Variants in HCN1 observed in about 807,000 individuals in gnomAD.
HCN1 encodes the protein hyperpolarization activated cyclic nucleotide gated potassium channel 1.
In HCN1, 13 loss-of-function variants were observed where a neutral mutation model predicts 78.9. That is an observed-to-expected ratio of 0.16 (90% CI 0.11 to 0.26). The LOEUF is 0.26. Ranked by LOEUF, HCN1 falls within the 10% of genes least tolerant of loss-of-function variation. The pLI, the probability that HCN1 is intolerant of heterozygous loss-of-function variation, is 1.00. For missense variants in HCN1, 810 were observed against 1,154.3 expected (o/e 0.70, Z 4.32); for synonymous variants, 552 against 455.5 (o/e 1.21, Z -2.70).
intron 3 of HCN1, among the ~76,000 whole-genome samples, chr5:45,440,868 C>A (rs945548253): frequency 6.6e-6 from 1 of 152,144 alleles, no homozygotes; most frequent in Non-Finnish European, 1.5e-5. Flanking sequence ...TTACCAAGAA[C>A]AGAACCCCAA....
chr5:45,407,595 C>T (rs1739949658), intron 3 of HCN1, among the ~76,000 whole-genome samples: 1 of 152,134 alleles, frequency 6.6e-6, no homozygotes, highest in Non-Finnish European at 1.5e-5. Context: ...TCTTGGCTCA[C>T]TGCAACCTCC....
intron 5 of HCN1, among the ~76,000 whole-genome samples, chr5:45,345,312 G>A (rs1208137197): frequency 6.6e-6 from 1 of 152,120 alleles, no homozygotes; most frequent in Non-Finnish European, 1.5e-5. Context: ...GGGGCTAATG[G>A]GAAGGTCTCT....
chr5:45,307,868 G>C (rs1745768296), intron 5 of HCN1, among the ~76,000 whole-genome samples: 1 of 152,056 alleles, frequency 6.6e-6, no homozygotes, highest in Admixed American at 6.6e-5. Flanking sequence ...ACTAATGTAA[G>C]GTATTAAAAA....
chr5:45,607,598 T>G (rs190353074), intron 2 of HCN1, among the ~76,000 whole-genome samples: 4,722 of 146,672 alleles, frequency 0.032, 100 homozygotes, highest in Non-Finnish European at 0.037. Context: ...TATATATATC[T>G]ATAGATAGAT....
intron 2 of HCN1, among the ~76,000 whole-genome samples, chr5:45,504,158 T>C (rs989253597): frequency 3.3e-5 from 5 of 152,118 alleles, no homozygotes; most frequent in Admixed American, 6.5e-5. Context: ...TGTGCAGGTT[T>C]GTTACATATG....
At chr5:45,675,958 C>G (rs1238872863) in intron 1 of HCN1, among the ~76,000 whole-genome samples, 2 of 151,700 alleles carry the variant, frequency 1.3e-5, no homozygotes, top group African/African-American at 2.4e-5. Context: ...TATCACACTT[C>G]ACAACTTTTC....
intron 2 of HCN1, among the ~76,000 whole-genome samples, chr5:45,508,906 G>C (rs143009648): frequency 2.5e-4 from 38 of 151,966 alleles, no homozygotes; most frequent in South Asian, 1.2e-3. Context: ...GTGAACAAAT[G>C]GTTTTCATCA....
intron 5 of HCN1, among the ~76,000 whole-genome samples, chr5:45,313,013 C>T (rs538607918): frequency 2.0e-5 from 3 of 152,164 alleles, no homozygotes; most frequent in Non-Finnish European, 4.4e-5. Context: ...GCTTTGAAGA[C>T]AGTAGTGGTT....
chr5:45,373,430 CAG>C (rs948445271), intron 4 of HCN1, among the ~76,000 whole-genome samples: 8 of 134,056 alleles, frequency 6.0e-5, no homozygotes, highest in African/African-American at 1.9e-4. Flanking sequence ...ATATATCCCT[CAG>C]ATATACATCA....
At chr5:45,684,254 G>C (rs1739759684) in intron 1 of HCN1, among the ~76,000 whole-genome samples, 1 of 152,096 alleles carries the variant, frequency 6.6e-6, no homozygotes, top group African/African-American at 2.4e-5. Flanking sequence ...AACACAAATG[G>C]CTAATCATGA....
At chr5:45,579,431 A>C (rs1171334479) in intron 2 of HCN1, among the ~76,000 whole-genome samples, 1 of 152,050 alleles carries the variant, frequency 6.6e-6, no homozygotes, top group East Asian at 1.9e-4. Flanking sequence ...ACACACAGTA[A>C]ATGAACCTCT....
intron 6 of HCN1, among the ~76,000 whole-genome samples, chr5:45,300,233 T>A (rs1264784125): frequency 3.9e-5 from 6 of 152,030 alleles, no homozygotes; most frequent in African/African-American, 1.4e-4. Context: ...AGAAACTGAC[T>A]CAAAGACTTT....
At chr5:45,605,509 T>C (rs1039316896) in intron 2 of HCN1, among the ~76,000 whole-genome samples, 1 of 151,510 alleles carries the variant, frequency 6.6e-6, no homozygotes, top group Non-Finnish European at 1.5e-5. Flanking sequence ...CTCAGACTAA[T>C]GGTAAGATGT....
At chr5:45,568,815 T>C (rs566088528) in intron 2 of HCN1, among the ~76,000 whole-genome samples, 1 of 152,184 alleles carries the variant, frequency 6.6e-6, no homozygotes, top group East Asian at 1.9e-4. Context: ...CGGAAAACAA[T>C]ACATCAAAAT....
intron 2 of HCN1, among the ~76,000 whole-genome samples, chr5:45,552,878 T>C (rs989295001): frequency 6.6e-6 from 1 of 151,922 alleles, no homozygotes; most frequent in Non-Finnish European, 1.5e-5. Flanking sequence ...AGGAAGACAC[T>C]GGGAATACGA....
At chr5:45,472,641 G>C (rs1176700409) in intron 2 of HCN1, among the ~76,000 whole-genome samples, 1 of 88,804 alleles carries the variant, frequency 1.1e-5, no homozygotes, top group Non-Finnish European at 2.1e-5. Flanking sequence ...GGGAGGGAGG[G>C]AGGGAGAAAG....
At chr5:45,388,065 C>T (rs1048385504) in intron 4 of HCN1, among the ~76,000 whole-genome samples, 2 of 152,086 alleles carry the variant, frequency 1.3e-5, no homozygotes, top group Admixed American at 1.3e-4. Context: ...CAGTGGTTCT[C>T]CATTGCCTAC....
chr5:45,280,185 A>T (rs927661035), intron 6 of HCN1, among the ~76,000 whole-genome samples: 2 of 152,158 alleles, frequency 1.3e-5, no homozygotes, highest in African/African-American at 4.8e-5. Flanking sequence ...TAGTCCTAGA[A>T]TATTGATTTA....
Position 45,375,736 on chromosome 5 carries a change from T to TACATATTATATATA in HCN1, c.1230+20755_1230+20756insTATATATAATATGT, listed in dbSNP as rs1561131672. Among the ~76,000 whole-genome samples, 183 of 114,850 alleles carry TACATATTATATATA rather than the reference T, an allele frequency of 1.6e-3. 4 individuals carry two copies. The highest frequency in any genetic ancestry group is 5.5e-3 in the African/African-American group (156 of 28,178). 75.3% of individuals were successfully genotyped at this position (114,850 alleles called of 152,430 possible). A position where few individuals can be genotyped will look rare whatever the true frequency, so the allele number is the denominator to read the frequency against. ...TTATATATAATATCATATTTTATGA[T>TACATATTATATATA]ATATCTTATATATAATATCATATTT... On this transcript the variant is annotated intron_variant, in intron 4 of 7. Coordinates refer to ENST00000303230, the MANE Select transcript of HCN1 (RefSeq NM_021072.4).
Sources: allele counts gnomAD v4.1 joint callset (sites outside exome capture counted in the v4.1 genomes callset), GRCh38; gene constraint gnomAD v4.1.1; transcripts MANE v1.5; gene names NCBI Gene and HGNC (gene_info 2026-07-23, HGNC 2026-07-21).